The following LUC7L variants were observed in gnomAD, a reference collection of about 807,000 sequenced individuals.
The protein encoded by LUC7L is putative RNA-binding protein Luc7-like 1.
In LUC7L, 29 loss-of-function variants were observed where a neutral mutation model predicts 51.1. The observed-to-expected ratio is 0.57, with a 90% CI of 0.42 to 0.77. LUC7L has a LOEUF of 0.77. Among genes scored for constraint, LUC7L ranks in the 30% least tolerant of loss-of-function variants. The pLI is 0.00. For synonymous variants in LUC7L, 181 were observed against 180.7 expected (o/e 1.00, Z -0.01); for missense variants, 403 against 511.9 (o/e 0.79, Z 2.05).
intron 6 of LUC7L, among the ~76,000 whole-genome samples, chr16:197,082 A>G (rs972896979): frequency 2.7e-5 from 4 of 147,552 alleles, no homozygotes; most frequent in African/African-American, 1.0e-4. Flanking sequence ...TAATTTTTGT[A>G]TTTTTAGTAG....
chr16:208,756 G>T, intron 3 of LUC7L: 1 of 367,248 alleles, frequency 2.7e-6, no homozygotes, highest in Non-Finnish European at 3.8e-6. Context: ...AAAATTGGTT[G>T]CTATTTACCC....
intron 5 of LUC7L, among the ~76,000 whole-genome samples, chr16:201,268 T>G (rs1164127678): frequency 9.9e-6 from 1 of 100,644 alleles, no homozygotes; most frequent in Non-Finnish European, 2.1e-5. Context: ...AAAAAAAAAC[T>G]TAAGCAAAAA....
intron 6 of LUC7L, among the ~76,000 whole-genome samples, chr16:194,679 G>A (rs2049103262): frequency 6.6e-6 from 1 of 152,126 alleles, no homozygotes; most frequent in Non-Finnish European, 1.5e-5. Context: ...AGGGGAGGTG[G>A]ACCACAAATC....
intron 5 of LUC7L, among the ~76,000 whole-genome samples, chr16:199,778 AAGAG>A (rs1272878628): frequency 6.1e-5 from 9 of 146,608 alleles, no homozygotes; most frequent in Admixed American, 1.4e-4. Flanking sequence ...AAAAAAAAAA[AAGAG>A]AGATCGAGAC....
chr16:227,352 G>A lies in LUC7L; in HGVS notation c.62-16C>T, dbSNP rs1437674895. 2 of 1,592,878 alleles carry A rather than the reference G, an allele frequency of 1.3e-6. No homozygotes were observed. Among genetic ancestry groups the A allele is most frequent in the South Asian group, 1.1e-5 (1 of 88,748 alleles). On this transcript the variant is annotated splice_polypyrimidine_tract_variant and intron_variant, in intron 1 of 9. Transcript: ENST00000293872. ...GTTTCGTCTCCTGAAATTCATTTGT[G>A]GTTTTAAATAAGACAATATTATCAC...
chr16:216,248 C>T (rs777545473), intron 3 of LUC7L, among the ~76,000 whole-genome samples: 6 of 152,152 alleles, frequency 3.9e-5, no homozygotes, highest in South Asian at 2.1e-4. Context: ...GTGATCTGCC[C>T]GCCTCAGCCT....
intron 2 of LUC7L, among the ~76,000 whole-genome samples, chr16:223,687 T>C (rs1346392419): frequency 6.6e-6 from 1 of 151,874 alleles, no homozygotes; most frequent in Admixed American, 6.6e-5. Context: ...TTTTTTTTTT[T>C]GAGGCGGAGT....
chr16:191,212 A>T (rs2049001469), intron 7 of LUC7L, among the ~76,000 whole-genome samples: 1 of 152,216 alleles, frequency 6.6e-6, no homozygotes, highest in Non-Finnish European at 1.5e-5. Flanking sequence ...TTTACAACAG[A>T]CACCAGCACA....
chr16:220,605 G>A (rs760188720), intron 3 of LUC7L, 44 bp downstream of exon 3: 28 of 1,385,988 alleles, frequency 2.0e-5, no homozygotes, highest in Non-Finnish European at 2.7e-5. Flanking sequence ...GTTCAATATT[G>A]GGTTCTTCGC....
chr16:194,821 G>A (rs558678324), intron 6 of LUC7L, among the ~76,000 whole-genome samples: 13 of 152,222 alleles, frequency 8.5e-5, no homozygotes, highest in East Asian at 1.9e-4. Flanking sequence ...ACCGGGCACC[G>A]TTCTGTATAC....
chr16:226,348 T>C (rs1307698612), intron 2 of LUC7L, among the ~76,000 whole-genome samples: 2 of 152,146 alleles, frequency 1.3e-5, no homozygotes, highest in Admixed American at 6.6e-5. Context: ...AACCTTAAAA[T>C]GGGGGTGGTC....
chr16:219,362 C>T (rs1013239414), intron 3 of LUC7L, among the ~76,000 whole-genome samples: 6 of 152,016 alleles, frequency 3.9e-5, no homozygotes, highest in African/African-American at 1.5e-4. Context: ...GCACTCTAGC[C>T]TGGTGACAGA....
At chr16:221,048 T>A (rs1297786630) in intron 2 of LUC7L, among the ~76,000 whole-genome samples, 1 of 151,954 alleles carries the variant, frequency 6.6e-6, no homozygotes, top group African/African-American at 2.4e-5. Flanking sequence ...TTTTAAGGAG[T>A]CTCACCTGTC....
intron 6 of LUC7L, among the ~76,000 whole-genome samples, chr16:197,230 T>C (rs972972136): frequency 8.1e-5 from 12 of 147,428 alleles, no homozygotes; most frequent in African/African-American, 3.0e-4. Context: ...TTTTTTTTTT[T>C]TGAGACGGAG....
intron 6 of LUC7L, among the ~76,000 whole-genome samples, chr16:196,906 C>CTTT (rs34164641): frequency 8.1e-5 from 10 of 122,810 alleles, no homozygotes; most frequent in Admixed American, 2.6e-4. Context: ...ACTTTTACAT[C>CTTT]TTTTTTTTTT....
chr16:201,366 A>G (rs1177774034), intron 5 of LUC7L, among the ~76,000 whole-genome samples: 1 of 152,058 alleles, frequency 6.6e-6, no homozygotes, highest in East Asian at 1.9e-4. Context: ...AACATCTTTC[A>G]AAATAAACTC....
intron 5 of LUC7L, among the ~76,000 whole-genome samples, chr16:200,010 G>A (rs1005177660): frequency 8.5e-5 from 13 of 152,066 alleles, no homozygotes; most frequent in African/African-American, 2.9e-4. Flanking sequence ...GTACTAACAG[G>A]CTGGGCTCAG....
intron 6 of LUC7L, among the ~76,000 whole-genome samples, chr16:194,508 T>C (rs539787290): frequency 6.6e-6 from 1 of 152,196 alleles, no homozygotes; most frequent in Non-Finnish European, 1.5e-5. Flanking sequence ...CCCAGATAGG[T>C]AGGAGACTGT....
chr16:199,512 C>T (rs2049258144), intron 5 of LUC7L, among the ~76,000 whole-genome samples: 1 of 152,188 alleles, frequency 6.6e-6, no homozygotes, highest in African/African-American at 2.4e-5. Flanking sequence ...TGGCTCACGC[C>T]TGTAATCCCA....
Sources: allele counts gnomAD v4.1 joint callset (sites outside exome capture counted in the v4.1 genomes callset), GRCh38; gene constraint gnomAD v4.1.1; transcripts MANE v1.5; gene names NCBI Gene and HGNC (gene_info 2026-07-23, HGNC 2026-07-21).